The following GAB1 variants were observed in gnomAD, a reference collection of about 807,000 sequenced individuals.
GAB1 encodes the protein GRB2 associated binding protein 1, also known as GRB2-associated-binding protein 1.
A neutral mutation model predicts 66.5 loss-of-function variants in GAB1; 19 were observed. The ratio of observed to expected loss-of-function variants is 0.29; its 90% CI spans 0.20 to 0.42. The LOEUF is 0.42. Ranked by LOEUF, GAB1 falls within the 10% of genes least tolerant of loss-of-function variation. The probability of loss-of-function intolerance (pLI) is 1.00; values close to 1 mark genes in which losing one functional copy is unlikely to be tolerated. For missense variants in GAB1, 732 were observed against 858.5 expected (o/e 0.85, Z 1.84); for synonymous variants, 294 against 301.4 (o/e 0.98, Z 0.25).
In GAB1 at chr4:143,456,053, G is replaced by C. The variant is rs189818911; in HGVS notation, c.1586-3332G>C. On this transcript the variant is annotated intron_variant, in intron 6 of 9. Coordinates refer to ENST00000262994, the MANE Select transcript of GAB1 (RefSeq NM_002039.4). ...TCTCATTCATAAAATGAAGAAACTA[G>C]ATTTGTAAGGGCCTTTCACTCCAAA... Among the ~76,000 whole-genome samples, 4 of 152,276 alleles carry C rather than the reference G, an allele frequency of 2.6e-5. No individual in the cohort carries two copies. In the East Asian group the frequency reaches 7.7e-4, roughly 29 times the overall value.
At chr4:143,375,652 G>A (rs1730382286) in intron 1 of GAB1, among the ~76,000 whole-genome samples, 1 of 152,222 alleles carries the variant, frequency 6.6e-6, no homozygotes, top group African/African-American at 2.4e-5. Flanking sequence ...TTAGGAGTAT[G>A]AAAGCAAATC....
intron 6 of GAB1, among the ~76,000 whole-genome samples, chr4:143,443,966 A>G (rs1034846777): frequency 2.6e-5 from 4 of 152,108 alleles, no homozygotes; most frequent in African/African-American, 9.7e-5. Flanking sequence ...TCATCATACT[A>G]TTTCTGTCAC....
chr4:143,349,308 C>G (rs1188066073), intron 1 of GAB1: 3 of 1,230,132 alleles, frequency 2.4e-6, no homozygotes. Context: ...CCTGAGTCCG[C>G]TGCATGGAGA....
At chr4:143,455,325 A>T (rs541793405) in intron 6 of GAB1, among the ~76,000 whole-genome samples, 1 of 152,322 alleles carries the variant, frequency 6.6e-6, no homozygotes, top group African/African-American at 2.4e-5. Context: ...GGATAATTGG[A>T]GATAACCTGT....
At position 143,337,221 on chromosome 4, in the gene GAB1, GCTCCGCAAGTCCC is replaced by G. The variant is rs1728683882; in HGVS notation, c.35_47del (p.Leu12ProfsTer6). On this transcript the variant is annotated frameshift_variant, in exon 1 of 10. Transcript: ENST00000262994. LOFTEE classifies it high-confidence loss of function. ...GTGGTGAAGTGGTCTGCTCCGGATG[GCTCCGCAAGTCCC>G]CCCCGGAGAAAAAGTTGAAGCGTTA... 1.3e-6 allele frequency: 2 copies of G among 1,586,442 alleles called. No individual in the cohort carries two copies.
At chr4:143,432,003 G>A (rs1733682297) in intron 2 of GAB1, among the ~76,000 whole-genome samples, 1 of 152,184 alleles carries the variant, frequency 6.6e-6, no homozygotes, top group Non-Finnish European at 1.5e-5. Context: ...GGAAAAGACA[G>A]CTTAAATGCA....
At chr4:143,349,955 G>A (rs1237731520) in intron 1 of GAB1, 25 of 1,590,316 alleles carry the variant, frequency 1.6e-5, no homozygotes, top group East Asian at 2.2e-5. Flanking sequence ...TTGACCAAGC[G>A]GCCCAACTTG....
intron 1 of GAB1, among the ~76,000 whole-genome samples, chr4:143,376,283 C>T (rs772909369): frequency 6.6e-6 from 1 of 152,118 alleles, no homozygotes; most frequent in African/African-American, 2.4e-5. Flanking sequence ...GAACATGTGT[C>T]TACTTTCAGG....
intron 1 of GAB1, among the ~76,000 whole-genome samples, chr4:143,350,607 G>A (rs1482452481): frequency 6.6e-6 from 1 of 150,578 alleles, no homozygotes; most frequent in Non-Finnish European, 1.5e-5. Context: ...GAACCCGGGA[G>A]GCGGAGGTTG....
chr4:143,406,308 C>T (rs1732038991), intron 1 of GAB1, among the ~76,000 whole-genome samples: 1 of 151,996 alleles, frequency 6.6e-6, no homozygotes, highest in Non-Finnish European at 1.5e-5. Context: ...GAATTAATGG[C>T]TCAATGACTG....
chr4:143,374,281 A>G (rs2149670252), intron 1 of GAB1, among the ~76,000 whole-genome samples: 1 of 152,274 alleles, frequency 6.6e-6, no homozygotes, highest in East Asian at 1.9e-4. Flanking sequence ...AAGTCAAGTC[A>G]GGTGACTTGT....
chr4:143,372,053 G>T (rs146844851), intron 1 of GAB1, among the ~76,000 whole-genome samples: 1 of 151,982 alleles, frequency 6.6e-6, no homozygotes, highest in Non-Finnish European at 1.5e-5. Flanking sequence ...GGCTGGGCAC[G>T]GTGGCTAGTG....
At chr4:143,355,344 A>G (rs1729400296) in intron 1 of GAB1, among the ~76,000 whole-genome samples, 2 of 152,110 alleles carry the variant, frequency 1.3e-5, no homozygotes, top group South Asian at 4.1e-4. Flanking sequence ...AAACCCTTGC[A>G]CATTTCCAGA....
chr4:143,444,736 A>G (rs190744657), intron 6 of GAB1, among the ~76,000 whole-genome samples: 1 of 152,228 alleles, frequency 6.6e-6, no homozygotes, highest in Non-Finnish European at 1.5e-5. Flanking sequence ...ATAGCACCCA[A>G]TCGTTAGTTT....
chr4:143,354,884 C>T (rs76395989), intron 1 of GAB1, among the ~76,000 whole-genome samples: 14 of 151,948 alleles, frequency 9.2e-5, no homozygotes, highest in Non-Finnish European at 1.5e-4. Flanking sequence ...GTGCTTTGCC[C>T]CAAGTTGGAG....
intron 8 of GAB1, among the ~76,000 whole-genome samples, chr4:143,465,208 T>G (rs1418438441): frequency 7.9e-5 from 12 of 152,290 alleles, no homozygotes; most frequent in Middle Eastern, 3.4e-3. Flanking sequence ...TATAGGGACT[T>G]AGGTTCATGC....
At chr4:143,397,247 A>T (rs1731496522) in intron 1 of GAB1, among the ~76,000 whole-genome samples, 1 of 152,230 alleles carries the variant, frequency 6.6e-6, no homozygotes, top group African/African-American at 2.4e-5. Context: ...AAACAAAAAA[A>T]TGATTACACA....
Position 143,458,353 on chromosome 4 carries a change from G to A in GAB1, c.1586-1032G>A, listed in dbSNP as rs111787352. 3.2e-3 allele frequency among the ~76,000 whole-genome samples: 484 copies of A among 152,120 alleles called. 3 individuals carry two copies. The highest frequency in any genetic ancestry group is 0.011 in the African/African-American group (465 of 41,522). ...ATGTGAGTTGACAAAATACTTATGA[G>A]CCTCAATGCGTATGGTCCTTTAAAA... On this transcript the variant is annotated intron_variant, in intron 6 of 9. Transcript: ENST00000262994.
At chr4:143,451,844 A>G (rs560574761) in intron 6 of GAB1, among the ~76,000 whole-genome samples, 1 of 152,178 alleles carries the variant, frequency 6.6e-6, no homozygotes, top group East Asian at 1.9e-4. Context: ...ATACAGCCAT[A>G]CAGTGCGAGT....
Sources: allele counts gnomAD v4.1 joint callset (sites outside exome capture counted in the v4.1 genomes callset), GRCh38; gene constraint gnomAD v4.1.1; transcripts MANE v1.5; gene names NCBI Gene and HGNC (gene_info 2026-07-23, HGNC 2026-07-21).